The following NUDT6 variants were observed in gnomAD, a reference collection of about 807,000 sequenced individuals.
The protein encoded by NUDT6 is nudix hydrolase 6.
In NUDT6, 24 loss-of-function variants were observed where a neutral mutation model predicts 36.8. That is an observed-to-expected ratio of 0.65 (90% confidence interval 0.47 to 0.92). The LOEUF (loss-of-function observed/expected upper bound fraction) is 0.92, where lower values mean the gene tolerates loss of function less well. Among genes scored for constraint, NUDT6 ranks in the 40% least tolerant of loss-of-function variants. The pLI is 0.00. For synonymous variants in NUDT6, 163 were observed against 157.0 expected (o/e 1.04, Z -0.29); for missense variants, 388 against 392.8 (o/e 0.99, Z 0.10).
rs1727217099 is a variant in NUDT6, at chr4:122,892,594, CT to C, written c.*233del. 7 of 1,438,502 alleles carry C rather than the reference CT, an allele frequency of 4.9e-6. No individual in the cohort carries two copies. The highest frequency in any genetic ancestry group is 4.3e-5 in the African/African-American group (3 of 69,822). 89.1% of individuals were successfully genotyped at this position (1,438,502 alleles called of 1,614,324 possible). A position where few individuals can be genotyped will look rare whatever the true frequency, so the allele number is the denominator to read the frequency against. On this transcript the variant is annotated 3_prime_UTR_variant, in exon 5 of 5. Coordinates refer to ENST00000304430, the MANE Select transcript of NUDT6 (RefSeq NM_007083.5). ...AAAAGTTGTAAAATGTATATTCTCCCTTTTATATTGCATCTGCTGTTACCCA... is the reference window on the plus strand; with the variant it reads ...AAAAGTTGTAAAATGTATATTCTCCCTTTATATTGCATCTGCTGTTACCCA...
intron 3 of NUDT6, among the ~76,000 whole-genome samples, chr4:122,910,533 T>C (rs190335627): frequency 6.6e-6 from 1 of 152,320 alleles, no homozygotes; most frequent in Non-Finnish European, 1.5e-5. Context: ...TATCTGGCTG[T>C]CTTTCAGCCT....
Position 122,922,500 on chromosome 4 carries a change from C to G in NUDT6, c.73G>C (p.Gly25Arg), listed in dbSNP as rs763274488. 1.2e-6 allele frequency: 2 copies of G among 1,610,200 alleles called. No homozygotes were observed. Among genetic ancestry groups the G allele is most frequent in the African/African-American group, 2.7e-5 (2 of 74,924 alleles). The change falls in exon 1 of 5, where the codon GGT becomes CGT. Residue 25 changes from glycine (G) to arginine (R), a missense_variant. Transcript: ENST00000304430. The stretch of plus-strand genomic sequence containing the variant: ...TGTGCGCCCGAGGCCCAGCGGTAAC[C>G]CGCCGAAGGCCCGGGGCCGTAGGTT... ...ARTYGPGPSAGYRWASGAQGY... is the reference protein window; with the variant it reads ...ARTYGPGPSARYRWASGAQGY...
chr4:122,911,344 T>A (rs1178435521), intron 3 of NUDT6, among the ~76,000 whole-genome samples: 2 of 152,188 alleles, frequency 1.3e-5, no homozygotes, highest in African/African-American at 4.8e-5. Flanking sequence ...AGTTACTGTT[T>A]CCATGTCAAG....
chr4:122,916,495 A>G (rs1392603530), intron 2 of NUDT6, among the ~76,000 whole-genome samples: 11 of 152,250 alleles, frequency 7.2e-5, no homozygotes, highest in Non-Finnish European at 8.8e-5. Flanking sequence ...ACAAATTTAC[A>G]TAATTAGTGC....
At chr4:122,917,366 T>A in intron 2 of NUDT6, 135 bp downstream of exon 2, 1 of 771,358 alleles carries the variant, frequency 1.3e-6, no homozygotes, top group Non-Finnish European at 2.2e-6. Context: ...CCTGTGCAGA[T>A]AGGGTGGAAC....
intron 3 of NUDT6, among the ~76,000 whole-genome samples, chr4:122,910,819 T>C (rs765456460): frequency 6.6e-6 from 1 of 152,176 alleles, no homozygotes; most frequent in Non-Finnish European, 1.5e-5. Context: ...GTTAATGGCA[T>C]GGCCAAATCC....
At chr4:122,900,150 T>G (rs1316807380) in intron 3 of NUDT6, among the ~76,000 whole-genome samples, 1 of 144,120 alleles carries the variant, frequency 6.9e-6, no homozygotes, top group Non-Finnish European at 1.5e-5. Context: ...TACATCCCCA[T>G]GTTACCTAAA....
In NUDT6 at chr4:122,922,414, G is replaced by T. The variant is rs370115259; in HGVS notation, c.159C>A (p.Phe53Leu). 2 of 1,611,338 alleles carry T rather than the reference G, an allele frequency of 1.2e-6. No homozygotes were observed. Among genetic ancestry groups the T allele is most frequent in the South Asian group, 1.1e-5 (1 of 91,048 alleles). The change falls in exon 1 of 5, where the codon TTC becomes TTA. Residue 53 changes from phenylalanine to leucine, a missense_variant. Transcript: ENST00000304430. ...GCGCCAGGCGCACCGAGATGCCCCC[G>T]AATCTGTCCAGCTCGCCCTGCAGAT... ...ACDLQGELDRFGGISVRLARL... is the reference protein window; with the variant it reads ...ACDLQGELDRLGGISVRLARL...
At chr4:122,896,933 A>G (rs576914614) in intron 4 of NUDT6, 11 of 152,330 alleles carry the variant, frequency 7.2e-5, no homozygotes, top group African/African-American at 2.6e-4. Context: ...ATTTGATCCA[A>G]TAGTTTAAGG....
chr4:122,917,079 C>A (rs999092380), intron 2 of NUDT6, among the ~76,000 whole-genome samples: 1 of 152,126 alleles, frequency 6.6e-6, no homozygotes, highest in Non-Finnish European at 1.5e-5. Context: ...GGTCATAATG[C>A]CTGTCATTCA....
Position 122,922,423 on chromosome 4 carries a change from C to T in NUDT6, c.150G>A (p.Leu50=), listed in dbSNP as rs1369717897. 3.7e-6 allele frequency: 6 copies of T among 1,611,900 alleles called. No individual in the cohort carries two copies. The highest frequency in any genetic ancestry group is 5.1e-6 in the Non-Finnish European group (6 of 1,179,884). Residue 50 remains leucine, a synonymous_variant, in exon 1 of 5, where the codon CTG becomes CTA. Coordinates refer to ENST00000304430, the MANE Select transcript of NUDT6 (RefSeq NM_007083.5). ...GCACCGAGATGCCCCCGAATCTGTCCAGCTCGCCCTGCAGATCGCACGCTC... is the reference window on the plus strand; with the variant it reads ...GCACCGAGATGCCCCCGAATCTGTCTAGCTCGCCCTGCAGATCGCACGCTC... The part of the protein sequence containing the change: ...PVGACDLQGE[L]DRFGGISVRL...
intron 2 of NUDT6, 53 bp from the exon 3 acceptor site, chr4:122,912,676 A>C (rs1727754178): frequency 3.5e-6 from 4 of 1,133,590 alleles, no homozygotes; most frequent in East Asian, 4.7e-5. Flanking sequence ...CATTCACCTT[A>C]ATCTCCTCCC....
Position 122,922,339 on chromosome 4 carries a change from C to T in NUDT6, c.234G>A (p.Leu78=), listed in dbSNP as rs576070300. 6.3e-7 allele frequency: 1 copy of T among 1,599,278 alleles called. No individual in the cohort carries two copies. Among genetic ancestry groups the T allele is most frequent in the African/African-American group, 1.3e-5 (1 of 74,874 alleles). The change falls in exon 1 of 5, where the codon TTG becomes TTA. Residue 78 remains leucine (L), a synonymous_variant. Transcript: ENST00000304430. ...CTTCGTCCCAGGCGCACTTGCCCTG[C>T]AAGCCCTTCTGGAAGGCGGCAGCGT... ...RLDAAAFQKG[L]QAAVQQWRSE...
Position 122,922,409 on chromosome 4 carries a change from C to G in NUDT6, c.164G>C (p.Gly55Ala). ...DLQGELDRFG[G>A]ISVRLARLDA... ...GAGCCGCGCCAGGCGCACCGAGATG[C>G]CCCCGAATCTGTCCAGCTCGCCCTG... Residue 55 changes from glycine (G) to alanine (A), a missense_variant, in exon 1 of 5, where the codon GGC becomes GCC. Physicochemically the swap from Gly to Ala is moderately conservative, Grantham distance 60. Coordinates refer to ENST00000304430, the MANE Select transcript of NUDT6 (RefSeq NM_007083.5). 1 of 1,610,872 alleles carries G rather than the reference C, an allele frequency of 6.2e-7. No homozygotes were observed. Among genetic ancestry groups the G allele is most frequent in the Non-Finnish European group, 8.5e-7 (1 of 1,179,840 alleles).
At chr4:122,905,304 A>C (rs897828398) in intron 3 of NUDT6, among the ~76,000 whole-genome samples, 1 of 152,212 alleles carries the variant, frequency 6.6e-6, no homozygotes, top group African/African-American at 2.4e-5. Context: ...AAATGGTATT[A>C]TTAATAAAAT....
chr4:122,901,906 C>G (rs1457252690), intron 3 of NUDT6, among the ~76,000 whole-genome samples: 4 of 152,162 alleles, frequency 2.6e-5, no homozygotes, highest in Admixed American at 2.6e-4. Flanking sequence ...TTTCTTTCAG[C>G]CATATCTCCA....
chr4:122,894,569 A>AACTCC (rs1727292464), intron 4 of NUDT6: 1 of 152,232 alleles, frequency 6.6e-6, no homozygotes, highest in Admixed American at 6.5e-5. Flanking sequence ...CCTAGGCAAC[A>AACTCC]GAGTGAGACT....
rs113708696 is a variant in NUDT6 at position 122,899,044 on chromosome 4, A to ATTTTTT, written c.499-1372_499-1367dup. Among the ~76,000 whole-genome samples, 49 of 69,410 alleles carry ATTTTTT rather than the reference A, an allele frequency of 7.1e-4. 3 individuals are homozygous for ATTTTTT. The highest frequency in any genetic ancestry group is 1.1e-3 in the Admixed American group (6 of 5,332). 45.5% of individuals were successfully genotyped at this position (69,410 alleles called of 152,430 possible). A position where few individuals can be genotyped will look rare whatever the true frequency, so the allele number is the denominator to read the frequency against. ...CTACAGGTGTGCACCACCACACCTA[A>ATTTTTT]TTTTTTTTTTTTTTTTAGAGATGAG... is the stretch of plus-strand genomic sequence containing the variant. On this transcript the variant is annotated intron_variant, in intron 3 of 4. Coordinates refer to ENST00000304430, the MANE Select transcript of NUDT6 (RefSeq NM_007083.5).
At chr4:122,894,578 C>G (rs1488910067) in intron 4 of NUDT6, 1 of 152,012 alleles carries the variant, frequency 6.6e-6, no homozygotes, top group Admixed American at 6.5e-5. Flanking sequence ...CAGAGTGAGA[C>G]TTTGTCTCAA....
Sources: gnomAD v4.1 joint callset for allele counts (sites outside exome capture counted in the v4.1 genomes callset) on GRCh38, gnomAD v4.1.1 for gene constraint, MANE v1.5 for transcripts, NCBI Gene and HGNC (gene_info 2026-07-23, HGNC 2026-07-21) for gene names.